GLO1: variants seen among roughly 807,000 people sequenced by gnomAD.
GLO1 encodes glyoxalase I, also known as lactoylglutathione lyase.
A neutral mutation model predicts 26.0 loss-of-function variants in GLO1; 28 were observed. The observed-to-expected ratio is 1.08, with a 90% CI of 0.80 to 1.48. The LOEUF (loss-of-function observed/expected upper bound fraction) is 1.48. Among genes scored for constraint, GLO1 ranks in the 40% most tolerant of loss-of-function variants. The pLI is 0.00. For missense variants in GLO1, 225 were observed against 224.8 expected (o/e 1.00, Z -0.01); for synonymous variants, 78 against 77.6 (o/e 1.00, Z -0.03).
chr6:38,678,476 ATG>A (rs1761311266), intron 5 of GLO1, among the ~76,000 whole-genome samples: 1 of 152,164 alleles, frequency 6.6e-6, no homozygotes, highest in Non-Finnish European at 1.5e-5. Context: ...GCTGGGGAGA[ATG>A]GGTGAGGATG....
At chr6:38,688,933 C>T (rs1253390403) in intron 1 of GLO1, among the ~76,000 whole-genome samples, 5 of 152,142 alleles carry the variant, frequency 3.3e-5, no homozygotes, top group East Asian at 3.9e-4. Context: ...AGAGAGCGAG[C>T]GTGCGCGCGC....
At chr6:38,683,820 G>A (rs1357675533) in intron 3 of GLO1, among the ~76,000 whole-genome samples, 1 of 152,058 alleles carries the variant, frequency 6.6e-6, no homozygotes, top group Non-Finnish European at 1.5e-5. Flanking sequence ...CCGGGAGGCA[G>A]AGCTTGCAGT....
intron 1 of GLO1, among the ~76,000 whole-genome samples, chr6:38,687,679 T>C (rs1761476272): frequency 6.6e-6 from 1 of 152,220 alleles, no homozygotes; most frequent in Non-Finnish European, 1.5e-5. Context: ...TTCATGGAGT[T>C]AAGATTATTA....
intron 1 of GLO1, 109 bp downstream of exon 1, chr6:38,702,862 G>A (rs1365081632): frequency 1.5e-6 from 1 of 654,344 alleles, no homozygotes. Context: ...ACTCCCGTCC[G>A]CCCGAGGCCG....
At chr6:38,695,524 G>A (rs1291621362) in intron 1 of GLO1, among the ~76,000 whole-genome samples, 2 of 152,012 alleles carry the variant, frequency 1.3e-5, no homozygotes, top group Admixed American at 6.5e-5. Flanking sequence ...CCACTGCTGG[G>A]TTGGGGTGGA....
intron 5 of GLO1, among the ~76,000 whole-genome samples, chr6:38,680,487 C>T (rs555120309): frequency 6.6e-4 from 101 of 152,336 alleles, no homozygotes; most frequent in African/African-American, 2.4e-3. Context: ...TGCCATTGCA[C>T]TCCAACCTGG....
chr6:38,694,489 G>A (rs1223525259), intron 1 of GLO1, among the ~76,000 whole-genome samples: 1 of 152,080 alleles, frequency 6.6e-6, no homozygotes, highest in African/African-American at 2.4e-5. Flanking sequence ...GACCAGCCTA[G>A]GCAAGATAGT....
intron 1 of GLO1, among the ~76,000 whole-genome samples, chr6:38,695,044 C>G (rs1761589173): frequency 6.6e-6 from 1 of 152,080 alleles, no homozygotes; most frequent in African/African-American, 2.4e-5. Flanking sequence ...GTTTTTTAAT[C>G]CATTCTATCA....
At chr6:38,699,322 G>A (rs2127549135) in intron 1 of GLO1, among the ~76,000 whole-genome samples, 1 of 152,264 alleles carries the variant, frequency 6.6e-6, no homozygotes, top group South Asian at 2.1e-4. Flanking sequence ...TTCGTAAGCT[G>A]AGGATGTACA....
chr6:38,702,798 C>A (rs1761724338), intron 1 of GLO1, among the ~76,000 whole-genome samples, 173 bp downstream of exon 1: 1 of 152,128 alleles, frequency 6.6e-6, no homozygotes, highest in Non-Finnish European at 1.5e-5. Context: ...CCCCTCCACA[C>A]TTCGCGGGCC....
chr6:38,700,747 G>A (rs532809763), intron 1 of GLO1, among the ~76,000 whole-genome samples: 133 of 149,714 alleles, frequency 8.9e-4, no homozygotes, highest in Non-Finnish European at 1.6e-3. Context: ...TAGCATAAAT[G>A]TATCAAGTGA....
intron 1 of GLO1, among the ~76,000 whole-genome samples, chr6:38,700,825 G>A (rs780942926): frequency 6.9e-6 from 1 of 145,324 alleles, no homozygotes; most frequent in African/African-American, 2.6e-5. Flanking sequence ...TGTCACCCAA[G>A]CTGGAATGCA....
chr6:38,697,980 C>T (rs1761636437), intron 1 of GLO1, among the ~76,000 whole-genome samples: 1 of 152,216 alleles, frequency 6.6e-6, no homozygotes, highest in African/African-American at 2.4e-5. Flanking sequence ...TTCCTCAACA[C>T]ATTTGAGAGA....
At chr6:38,679,314 T>C (rs1021137795) in intron 5 of GLO1, among the ~76,000 whole-genome samples, 6 of 151,802 alleles carry the variant, frequency 4.0e-5, no homozygotes, top group Middle Eastern at 3.4e-3. Flanking sequence ...AACCTTTTTG[T>C]AGAAACAAGG....
intron 1 of GLO1, among the ~76,000 whole-genome samples, chr6:38,699,784 A>G (rs1009364718): frequency 6.6e-5 from 10 of 152,154 alleles, no homozygotes; most frequent in African/African-American, 2.4e-4. Flanking sequence ...TCTGCTCTCG[A>G]ACCCTGTTTT....
chr6:38,687,430 A>T (rs989028342), intron 1 of GLO1, among the ~76,000 whole-genome samples: 1 of 152,238 alleles, frequency 6.6e-6, no homozygotes, highest in South Asian at 2.1e-4. Flanking sequence ...CCAAACTAAG[A>T]CACTGATTTT....
At chr6:38,678,124 T>C (rs1202723757) in intron 5 of GLO1, among the ~76,000 whole-genome samples, 1 of 152,190 alleles carries the variant, frequency 6.6e-6, no homozygotes, top group Non-Finnish European at 1.5e-5. Flanking sequence ...TGCGAGAGTC[T>C]TTCTCCCAGG....
At chr6:38,693,125 G>A (rs549536164) in intron 1 of GLO1, among the ~76,000 whole-genome samples, 13 of 152,084 alleles carry the variant, frequency 8.5e-5, no homozygotes, top group African/African-American at 2.7e-4. Context: ...TTTACATTTG[G>A]CAGAATTCTC....
chr6:38,695,015 C>G (rs920420727), intron 1 of GLO1, among the ~76,000 whole-genome samples: 10 of 152,206 alleles, frequency 6.6e-5, no homozygotes, highest in African/African-American at 2.2e-4. Context: ...TTCATGTAGA[C>G]AGCATACAGC....
Sources: gnomAD v4.1 joint callset for allele counts (sites outside exome capture counted in the v4.1 genomes callset) on GRCh38, gnomAD v4.1.1 for gene constraint, MANE v1.5 for transcripts, NCBI Gene and HGNC (gene_info 2026-07-23, HGNC 2026-07-21) for gene names.